Variants in CNTN5 observed in about 807,000 individuals in gnomAD.
The protein encoded by CNTN5 is contactin 5.
In CNTN5, 77 loss-of-function variants were observed where a neutral mutation model predicts 129.1. The ratio of observed to expected loss-of-function variants is 0.60; its 90% confidence interval spans 0.50 to 0.72. CNTN5 has a LOEUF of 0.72. Among genes scored for constraint, CNTN5 ranks in the 30% least tolerant of loss-of-function variants. The pLI, the probability that CNTN5 is intolerant of heterozygous loss-of-function variation, is 0.00. For missense variants in CNTN5, 1,478 were observed against 1,328.8 expected (o/e 1.11, Z -1.75); for synonymous variants, 509 against 465.6 (o/e 1.09, Z -1.20).
intron 1 of CNTN5, among the ~76,000 whole-genome samples, chr11:99,153,540 GT>G (rs968292112): frequency 2.2e-5 from 3 of 135,680 alleles, no homozygotes; most frequent in African/African-American, 5.5e-5. Context: ...CTCCTGTATT[GT>G]TTTATTGTAT....
chr11:99,517,146 A>C (rs1245024230), intron 2 of CNTN5, among the ~76,000 whole-genome samples: 3 of 152,130 alleles, frequency 2.0e-5, no homozygotes, highest in Non-Finnish European at 2.9e-5. Context: ...AAGACCAGTC[A>C]AATACAGGGA....
At chr11:99,137,028 G>A (rs1341773630) in intron 1 of CNTN5, among the ~76,000 whole-genome samples, 1 of 152,106 alleles carries the variant, frequency 6.6e-6, no homozygotes, top group African/African-American at 2.4e-5. Context: ...GAAGAACACA[G>A]CTGACTTACA....
intron 9 of CNTN5, among the ~76,000 whole-genome samples, chr11:100,023,355 G>T (rs1206543222): frequency 6.6e-6 from 1 of 152,094 alleles, no homozygotes; most frequent in African/African-American, 2.4e-5. Context: ...GAACTTTATT[G>T]TTTAGAGCAG....
At chr11:99,611,082 G>A (rs545303504) in intron 3 of CNTN5, among the ~76,000 whole-genome samples, 1 of 152,110 alleles carries the variant, frequency 6.6e-6, no homozygotes, top group Non-Finnish European at 1.5e-5. Flanking sequence ...TTAATGTGAT[G>A]CAAATGATTT....
intron 2 of CNTN5, among the ~76,000 whole-genome samples, chr11:99,498,237 G>A (rs965036406): frequency 1.3e-5 from 2 of 152,104 alleles, no homozygotes; most frequent in Non-Finnish European, 2.9e-5. Flanking sequence ...AGTATAATGT[G>A]TAATAAATGT....
At chr11:99,621,783 C>G (rs988498420) in intron 3 of CNTN5, among the ~76,000 whole-genome samples, 1 of 152,108 alleles carries the variant, frequency 6.6e-6, no homozygotes, top group Admixed American at 6.6e-5. Context: ...AGCACACATG[C>G]GAAATTGTCT....
chr11:99,681,090 C>T (rs928038424), intron 3 of CNTN5, among the ~76,000 whole-genome samples: 1 of 151,980 alleles, frequency 6.6e-6, no homozygotes, highest in Non-Finnish European at 1.5e-5. Context: ...GCTACAATCT[C>T]ATGATAAAAC....
chr11:100,326,099 C>G (rs940136347), intron 21 of CNTN5, among the ~76,000 whole-genome samples: 4 of 151,974 alleles, frequency 2.6e-5, no homozygotes, highest in Non-Finnish European at 5.9e-5. Flanking sequence ...TCATTGGAAG[C>G]AATAAGATGT....
chr11:100,088,847 A>C (rs1944650484), intron 13 of CNTN5, among the ~76,000 whole-genome samples: 1 of 152,092 alleles, frequency 6.6e-6, no homozygotes, highest in East Asian at 1.9e-4. Flanking sequence ...AATGATTCCA[A>C]AAAGACAAAG....
At chr11:100,256,074 G>C (rs947514735) in intron 17 of CNTN5, among the ~76,000 whole-genome samples, 156 bp downstream of exon 17, 1 of 152,104 alleles carries the variant, frequency 6.6e-6, no homozygotes, top group Non-Finnish European at 1.5e-5. Context: ...TTATGAACCT[G>C]AGAAGAGCAA....
At chr11:100,030,586 G>A (rs1254153304) in intron 9 of CNTN5, among the ~76,000 whole-genome samples, 2 of 152,158 alleles carry the variant, frequency 1.3e-5, no homozygotes, top group Admixed American at 6.5e-5. Context: ...TTGTCCGCTT[G>A]TCTCTATTTG....
intron 2 of CNTN5, among the ~76,000 whole-genome samples, chr11:99,539,670 T>C (rs1382189580): frequency 6.6e-6 from 1 of 152,114 alleles, no homozygotes; most frequent in African/African-American, 2.4e-5. Context: ...GCCAGGAACA[T>C]GTCCAGCTGA....
chr11:99,570,926 A>G (rs1191353299), intron 3 of CNTN5, among the ~76,000 whole-genome samples: 1 of 152,314 alleles, frequency 6.6e-6, no homozygotes, highest in Non-Finnish European at 1.5e-5. Flanking sequence ...TATTTCAGGC[A>G]GGCAGGGAAA....
chr11:99,449,098 A>G (rs1308480843), intron 2 of CNTN5, among the ~76,000 whole-genome samples: 3 of 152,090 alleles, frequency 2.0e-5, no homozygotes, highest in Admixed American at 6.6e-5. Context: ...TGTTTTATAT[A>G]ACAATTCTCA....
chr11:99,500,403 C>T (rs1441552993), intron 2 of CNTN5, among the ~76,000 whole-genome samples: 3 of 152,074 alleles, frequency 2.0e-5, no homozygotes. Flanking sequence ...ATCTGAAGAG[C>T]TTAAAATGGA....
intron 1 of CNTN5, among the ~76,000 whole-genome samples, chr11:99,184,547 G>A (rs1454514416): frequency 6.6e-6 from 1 of 151,998 alleles, no homozygotes; most frequent in Non-Finnish European, 1.5e-5. Flanking sequence ...TATAGTGAGT[G>A]TTTTAACATA....
chr11:99,329,478 GA>G (rs1227975361), intron 2 of CNTN5, among the ~76,000 whole-genome samples: 2 of 152,140 alleles, frequency 1.3e-5, no homozygotes, highest in African/African-American at 4.8e-5. Flanking sequence ...TCACAAACAA[GA>G]AATGGAACTC....
chr11:99,456,369 C>T (rs2656188), intron 2 of CNTN5, among the ~76,000 whole-genome samples: 30,628 of 151,920 alleles, frequency 0.2, 3,424 homozygotes, highest in Middle Eastern at 0.33. Context: ...TAATCCATTA[C>T]CTTTGGATAT....
chr11:99,791,376 T>G (rs1277602709), intron 3 of CNTN5, among the ~76,000 whole-genome samples: 2 of 152,130 alleles, frequency 1.3e-5, no homozygotes. Context: ...AGCAGGTTAT[T>G]CCAACATCAT....
Sources: allele counts gnomAD v4.1 joint callset (sites outside exome capture counted in the v4.1 genomes callset), GRCh38; gene constraint gnomAD v4.1.1; transcripts MANE v1.5; gene names NCBI Gene and HGNC (gene_info 2026-07-23, HGNC 2026-07-21).